The following LRRC37A2 variants were observed in gnomAD, a reference collection of about 807,000 sequenced individuals.
LRRC37A2 encodes leucine-rich repeat-containing protein 37A2.
In LRRC37A2, 9 loss-of-function variants were observed where a neutral mutation model predicts 68.8. The ratio of observed to expected loss-of-function variants is 0.13; its 90% CI spans 0.08 to 0.23. The LOEUF (loss-of-function observed/expected upper bound fraction) is 0.23, where lower values mean the gene tolerates loss of function less well. LRRC37A2 is among the 10% of genes least tolerant of loss of function. LRRC37A2 has a pLI of 1.00. For synonymous variants in LRRC37A2, 63 were observed against 367.6 expected (o/e 0.17, Z 9.48); for missense variants, 168 against 950.4 (o/e 0.18, Z 10.82).
At chr17:46,521,122 C>T (rs2052221489) in intron 4 of LRRC37A2, among the ~76,000 whole-genome samples, 1 of 75,446 alleles carries the variant, frequency 1.3e-5, no homozygotes, top group Admixed American at 1.3e-4. Context: ...TACAAAATAA[C>T]GATCGCCCCA....
the LRRC37A2 span, chr17:46,965,189 A>T: frequency 6.6e-6 from 1 of 152,282 alleles, no homozygotes; most frequent in Non-Finnish European, 1.5e-5. Context: ...GGCATAGTGG[A>T]AGGATGTCTC....
the LRRC37A2 span, among the ~76,000 whole-genome samples, chr17:46,676,189 G>A: frequency 6.8e-6 from 1 of 146,080 alleles, no homozygotes; most frequent in Non-Finnish European, 1.5e-5. Context: ...AACTGCCTGG[G>A]TTCTGGAATG....
the LRRC37A2 span, among the ~76,000 whole-genome samples, chr17:46,810,173 A>AT: frequency 2.6e-5 from 4 of 151,460 alleles, no homozygotes; most frequent in Non-Finnish European, 4.4e-5. Flanking sequence ...CGCCCAGCTA[A>AT]TTTTTTGTAT....
chr17:47,031,295 C>T, the LRRC37A2 span, among the ~76,000 whole-genome samples: 2 of 148,202 alleles, frequency 1.3e-5, no homozygotes, highest in Non-Finnish European at 3.0e-5. Flanking sequence ...GAAAGGAGGA[C>T]ATTTATTTGC....
the LRRC37A2 span, among the ~76,000 whole-genome samples, chr17:46,829,473 T>C: frequency 6.6e-6 from 1 of 152,196 alleles, no homozygotes; most frequent in African/African-American, 2.4e-5. Flanking sequence ...CTGGCCTCAA[T>C]TTTTTAAAAA....
At chr17:46,829,557 C>T in the LRRC37A2 span, among the ~76,000 whole-genome samples, 1 of 152,174 alleles carries the variant, frequency 6.6e-6, no homozygotes, top group Non-Finnish European at 1.5e-5. Context: ...TGTCTAGGAG[C>T]CATTCTCAGG....
chr17:46,820,037 G>A, the LRRC37A2 span, among the ~76,000 whole-genome samples: 1 of 152,222 alleles, frequency 6.6e-6, no homozygotes, highest in Non-Finnish European at 1.5e-5. Flanking sequence ...GAGCCGACCC[G>A]AGTCCCACAG....
the LRRC37A2 span, among the ~76,000 whole-genome samples, chr17:46,437,866 A>G: frequency 1.0e-5 from 1 of 98,836 alleles, no homozygotes; most frequent in Non-Finnish European, 2.5e-5. Context: ...AAATATACAC[A>G]GGAGAATTAT....
At chr17:47,038,493 T>A in the LRRC37A2 span, among the ~76,000 whole-genome samples, 16 of 151,670 alleles carry the variant, frequency 1.1e-4, no homozygotes, top group African/African-American at 3.9e-4. Context: ...TGCGCACCTG[T>A]CGTCTCAGCT....
chr17:46,800,133 T>C, the LRRC37A2 span, among the ~76,000 whole-genome samples: 1 of 152,050 alleles, frequency 6.6e-6, no homozygotes, highest in East Asian at 1.9e-4. Context: ...TTATTGGAGA[T>C]GGAGTCTCAC....
chr17:47,018,541 A>T, the LRRC37A2 span: 13 of 1,520,418 alleles, frequency 8.6e-6, no homozygotes, highest in Non-Finnish European at 1.2e-5. Flanking sequence ...AATGATGTAG[A>T]ACCTCCCACC....
chr17:46,745,353 C>T, the LRRC37A2 span, among the ~76,000 whole-genome samples: 1 of 152,206 alleles, frequency 6.6e-6, no homozygotes, highest in Non-Finnish European at 1.5e-5. Flanking sequence ...TTAAAGATGA[C>T]GCTTTACAAG....
the LRRC37A2 span, among the ~76,000 whole-genome samples, chr17:46,729,383 A>G: frequency 6.6e-6 from 1 of 152,190 alleles, no homozygotes; most frequent in Admixed American, 6.6e-5. Context: ...TATTTTTAAC[A>G]GATGATCTTG....
chr17:46,497,230 G>A, the LRRC37A2 span, among the ~76,000 whole-genome samples: 82 of 134,692 alleles, frequency 6.1e-4, 1 homozygote, highest in African/African-American at 1.9e-3. Context: ...TTGTTTTTTC[G>A]TTTTTCTTTT....
the LRRC37A2 span, among the ~76,000 whole-genome samples, chr17:46,900,712 A>T: frequency 6.6e-6 from 1 of 152,328 alleles, no homozygotes; most frequent in South Asian, 2.1e-4. Flanking sequence ...GGGTGGGGAG[A>T]CTATAATACT....
chr17:46,994,591 C>T, the LRRC37A2 span, among the ~76,000 whole-genome samples: 3 of 151,968 alleles, frequency 2.0e-5, no homozygotes, highest in Admixed American at 6.6e-5. Flanking sequence ...TATATGAATG[C>T]TAGTCTACAG....
chr17:46,976,696 C>G, the LRRC37A2 span, among the ~76,000 whole-genome samples: 1 of 151,750 alleles, frequency 6.6e-6, no homozygotes, highest in African/African-American at 2.4e-5. Context: ...GCGTGTAAGC[C>G]TGTGTTCTTT....
chr17:46,766,410 A>G, the LRRC37A2 span, among the ~76,000 whole-genome samples: 1 of 151,962 alleles, frequency 6.6e-6, no homozygotes, highest in Non-Finnish European at 1.5e-5. Context: ...CAGTCTCAAA[A>G]AAAAAAAAAA....
At chr17:46,493,458 G>C in the LRRC37A2 span, among the ~76,000 whole-genome samples, 14 of 130,464 alleles carry the variant, frequency 1.1e-4, no homozygotes, top group East Asian at 2.8e-3. Flanking sequence ...CACCATGCCT[G>C]GCCAAGATAC....
Sources: allele counts gnomAD v4.1 joint callset (sites outside exome capture counted in the v4.1 genomes callset), GRCh38; gene constraint gnomAD v4.1.1; transcripts MANE v1.5; gene names NCBI Gene and HGNC (gene_info 2026-07-23, HGNC 2026-07-21).